The following ZC3H12B variants were observed in gnomAD, a reference collection of about 807,000 sequenced individuals.
ZC3H12B encodes probable ribonuclease ZC3H12B.
ZC3H12B carries 7 observed loss-of-function variants against 43.9 expected under a neutral mutation model. The ratio of observed to expected loss-of-function variants is 0.16; its 90% CI spans 0.09 to 0.30. The LOEUF is 0.30. Among genes scored for constraint, ZC3H12B ranks in the 10% least tolerant of loss-of-function variants. ZC3H12B has a pLI of 1.00. For missense variants in ZC3H12B, 475 were observed against 670.2 expected (o/e 0.71, Z 3.22); for synonymous variants, 222 against 241.7 (o/e 0.92, Z 0.76).
chrX:65,388,710 G>A (rs2066567236), intron 2 of ZC3H12B, among the ~76,000 whole-genome samples: 1 of 111,843 alleles, frequency 8.9e-6, no homozygotes, highest in South Asian at 3.8e-4. Context: ...TGGAGGAGGA[G>A]AGGTGCTCTG....
At chrX:65,290,719 G>A in the ZC3H12B span, among the ~76,000 whole-genome samples, 2 of 111,311 alleles carry the variant, frequency 1.8e-5, no homozygotes, top group South Asian at 3.7e-4. Flanking sequence ...GATGGAACTA[G>A]AGGTCATCAT....
the ZC3H12B span, among the ~76,000 whole-genome samples, chrX:65,086,846 G>T: frequency 2.7e-5 from 3 of 111,699 alleles, no homozygotes; most frequent in Non-Finnish European, 5.6e-5. Context: ...TTCATTCTTT[G>T]ACAACTCATG....
the ZC3H12B span, among the ~76,000 whole-genome samples, chrX:65,108,201 G>A: frequency 9.0e-6 from 1 of 111,063 alleles, no homozygotes; most frequent in Non-Finnish European, 1.9e-5. Flanking sequence ...AACACTGTAT[G>A]CTTAGGCTAC....
the ZC3H12B span, among the ~76,000 whole-genome samples, chrX:65,064,499 G>A: frequency 5.3e-5 from 6 of 112,182 alleles, no homozygotes; most frequent in African/African-American, 1.3e-4. Context: ...TAAATTGATT[G>A]CACTATGGTC....
intron 3 of ZC3H12B, among the ~76,000 whole-genome samples, chrX:65,433,559 T>A (rs1022272178): frequency 8.9e-6 from 1 of 111,754 alleles, no homozygotes; most frequent in African/African-American, 3.2e-5. Context: ...GTGAGATTAA[T>A]CTAAGCTAAA....
intron 2 of ZC3H12B, among the ~76,000 whole-genome samples, chrX:65,382,363 C>T (rs1296649494): frequency 3.6e-5 from 4 of 110,659 alleles, no homozygotes; most frequent in African/African-American, 9.9e-5. Flanking sequence ...ACATGATTAT[C>T]TCAATAGATG....
At chrX:65,112,508 G>A in the ZC3H12B span, among the ~76,000 whole-genome samples, 1 of 112,007 alleles carries the variant, frequency 8.9e-6, no homozygotes. Flanking sequence ...CAAAGCACAG[G>A]CTGACTCTCT....
the ZC3H12B span, among the ~76,000 whole-genome samples, chrX:65,225,467 T>A: frequency 1.8e-5 from 2 of 111,746 alleles, no homozygotes; most frequent in Middle Eastern, 4.6e-3. Context: ...AAGCAGAGCG[T>A]CTCTCCTCCT....
At chrX:65,397,904 A>G (rs756085080) in intron 2 of ZC3H12B, among the ~76,000 whole-genome samples, 2 of 112,238 alleles carry the variant, frequency 1.8e-5, no homozygotes, top group African/African-American at 6.5e-5. Flanking sequence ...CCAAAAATCT[A>G]TTAGAACTGA....
chrX:65,332,773 A>G, the ZC3H12B span, among the ~76,000 whole-genome samples: 1 of 111,878 alleles, frequency 8.9e-6, no homozygotes, highest in Non-Finnish European at 1.9e-5. Context: ...AACAGATAAC[A>G]TAATATCTGT....
chrX:65,262,870 C>T, the ZC3H12B span, among the ~76,000 whole-genome samples: 1 of 110,606 alleles, frequency 9.0e-6, no homozygotes, highest in East Asian at 2.8e-4. Context: ...TCCCTCTCCA[C>T]CCCCTCTTAC....
the ZC3H12B span, among the ~76,000 whole-genome samples, chrX:65,347,845 A>C: frequency 8.9e-6 from 1 of 112,618 alleles, no homozygotes; most frequent in Non-Finnish European, 1.9e-5. Context: ...CCAAATGTCC[A>C]TCAATGATAG....
chrX:65,257,468 G>A, the ZC3H12B span, among the ~76,000 whole-genome samples: 4 of 110,649 alleles, frequency 3.6e-5, no homozygotes, highest in Non-Finnish European at 7.6e-5. Flanking sequence ...GGGGACCTGG[G>A]GGAGGGATAG....
chrX:65,077,423 G>A, the ZC3H12B span, among the ~76,000 whole-genome samples: 1 of 112,324 alleles, frequency 8.9e-6, no homozygotes. Context: ...TTGAGCCAGG[G>A]TTGGGTTGGA....
the ZC3H12B span, among the ~76,000 whole-genome samples, chrX:65,046,401 T>C: frequency 8.9e-6 from 1 of 112,141 alleles, no homozygotes; most frequent in Non-Finnish European, 1.9e-5. Context: ...CCTTGCACTT[T>C]TATATTATGG....
intron 2 of ZC3H12B, among the ~76,000 whole-genome samples, chrX:65,379,771 T>G (rs910281483): frequency 1.8e-5 from 2 of 112,266 alleles, no homozygotes; most frequent in African/African-American, 6.5e-5. Flanking sequence ...AAGGAGCTGA[T>G]GGAGCTGAAA....
chrX:65,493,590 CT>C (rs201047947), intron 1 of ZC3H12B, among the ~76,000 whole-genome samples: 1,614 of 111,270 alleles, frequency 0.015, 41 homozygotes, highest in African/African-American at 0.051. Flanking sequence ...CAACCATATT[CT>C]TTGTTAAGTC....
At chrX:65,118,149 G>C in the ZC3H12B span, among the ~76,000 whole-genome samples, 1 of 111,291 alleles carries the variant, frequency 9.0e-6, no homozygotes, top group Non-Finnish European at 1.9e-5. Flanking sequence ...AAATTACCTT[G>C]GGCAATATGG....
chrX:65,054,491 C>T, the ZC3H12B span, among the ~76,000 whole-genome samples: 8 of 111,424 alleles, frequency 7.2e-5, no homozygotes, highest in Non-Finnish European at 1.5e-4. Context: ...TTACTGTAGC[C>T]TTGTAGTGTA....
Sources: allele counts gnomAD v4.1 joint callset (sites outside exome capture counted in the v4.1 genomes callset), GRCh38; gene constraint gnomAD v4.1.1; transcripts MANE v1.5; gene names NCBI Gene and HGNC (gene_info 2026-07-23, HGNC 2026-07-21).